Variants in PEG3 observed in about 807,000 individuals in gnomAD.
The protein encoded by PEG3 is paternally-expressed gene 3 protein.
A neutral mutation model predicts 35.5 loss-of-function variants in PEG3; 23 were observed. That is an observed-to-expected ratio of 0.65 (90% CI 0.47 to 0.92). The LOEUF is 0.92. Among genes scored for constraint, PEG3 ranks in the 40% least tolerant of loss-of-function variants. PEG3 has a pLI of 0.00. For synonymous variants in PEG3, 707 were observed against 697.0 expected, an observed-to-expected ratio of 1.01 and a Z score of -0.23; for missense variants, 1,960 against 1,985.3, an observed-to-expected ratio of 0.99 and a Z score of 0.24.
rs753162525 is a variant in PEG3 at position 56,814,016 on chromosome 19, C to G, written c.4426G>C (p.Glu1476Gln). The G allele has an allele frequency of 4.6e-5, 74 of 1,613,222 alleles. No homozygotes were observed. The highest frequency in any genetic ancestry group is 6.2e-5 in the Non-Finnish European group (73 of 1,179,342). Residue 1476 changes from glutamate to glutamine, a missense_variant, in exon 10 of 10, where the codon GAG (glutamate) becomes CAG (glutamine). Glu to Gln is a conservative substitution (Grantham distance 29). Coordinates refer to ENST00000326441, the MANE Select transcript of PEG3 (RefSeq NM_006210.3). This position sits in a 1 kb window ranked among gnomAD's most constrained non-coding sequence, Gnocchi z 5.8. The part of the protein sequence containing the change: ...EEPEGKAEEP[E>Q]GDADEPDGVG... ...CCGTCAGGCTCGTCGGCATCTCCCT[C>G]TGGCTCTTCAGCTTTTCCCTCTGGC...
chr19:56,832,831 C>T (rs73935925), intron 2 of PEG3, among the ~76,000 whole-genome samples: 2,160 of 152,316 alleles, frequency 0.014, 48 homozygotes, highest in African/African-American at 0.049. Context: ...CAGAACAAGC[C>T]TGGCGCTGCC....
intron 2 of PEG3, among the ~76,000 whole-genome samples, chr19:56,828,990 C>T (rs2146472881): frequency 6.6e-6 from 1 of 152,158 alleles, no homozygotes; most frequent in Middle Eastern, 3.4e-3. Flanking sequence ...TCTTTTGAAC[C>T]AGCAATTCTC....
chr19:56,817,555 T>C lies in PEG3; in HGVS notation c.887A>G (p.Lys296Arg), dbSNP rs1366500278. The C allele has an allele frequency of 1.3e-6, 2 of 1,595,020 alleles. No homozygotes were observed. Among genetic ancestry groups the C allele is most frequent in the African/African-American group, 2.7e-5 (2 of 74,274 alleles). ...SRGLKTMPEA[K>R]KSTHRRGICE... ...AATCCCCCGCCGGTGGGTTGATTTT[T>C]TGGCTTCAGGCATAGTTTTTAGACC... Residue 296 changes from lysine (K) to arginine (R), a missense_variant, in exon 10 of 10, where the codon AAA becomes AGA. Coordinates refer to ENST00000326441, the MANE Select transcript of PEG3 (RefSeq NM_006210.3).
In PEG3 at chr19:56,815,853, A is replaced by C. The variant is rs1489816697; in HGVS notation, c.2589T>G (p.Ile863Met). ...GCTTATCATTAAGGTCTGAGATATA[A>C]ATGGAGGATTCTCCCTTCTCATTAG... is the stretch of plus-strand genomic sequence containing the variant. ...VESNEKGESS[I>M]YISDLNDKRQ... is the part of the protein sequence containing the mutation. Residue 863 changes from isoleucine (I) to methionine (M), a missense_variant, in exon 10 of 10, where the codon ATT (isoleucine) becomes ATG (methionine). Physicochemically the swap from Ile to Met is conservative, Grantham distance 10. This residue lies in a region of PEG3 where 798 missense variants were observed against 782.4 expected (regional missense o/e 1.02). Coordinates refer to ENST00000326441, the MANE Select transcript of PEG3 (RefSeq NM_006210.3). The C allele has an allele frequency of 6.2e-7, 1 of 1,613,610 alleles. No individual in the cohort carries two copies. The highest frequency in any genetic ancestry group is 1.7e-5 in the Admixed American group (1 of 59,956).
Position 56,815,886 on chromosome 19 carries a change from C to T in PEG3, c.2556G>A (p.Leu852=), listed in dbSNP as rs1309035576. 5.0e-6 allele frequency: 8 copies of T among 1,613,048 alleles called. No homozygotes were observed. Among genetic ancestry groups the T allele is most frequent in the South Asian group, 1.1e-5 (1 of 90,954 alleles). The change falls in exon 10 of 10, where the codon TTG becomes TTA. Residue 852 remains leucine (L), a synonymous_variant. Coordinates refer to ENST00000326441, the MANE Select transcript of PEG3 (RefSeq NM_006210.3). ...KPPRSHNGNE[L]VESNEKGESS... ...ATTCTCCCTTCTCATTAGATTCCAC[C>T]AATTCATTTCCATTGTGACTTCTTG...
chr19:56,839,048 T>C (rs2062598535), intron 1 of PEG3, among the ~76,000 whole-genome samples: 1 of 151,834 alleles, frequency 6.6e-6, no homozygotes, highest in African/African-American at 2.4e-5. Context: ...CCATCAAAGA[T>C]GGCGCCCAGG....
rs534311550 is a variant in PEG3 at position 56,824,776 on chromosome 19, A to C, written c.-86-35T>G. 5.2e-6 allele frequency: 5 copies of C among 970,240 alleles called. No individual in the cohort carries two copies. In the South Asian group the frequency reaches 8.6e-5, roughly 17 times the overall value. The allele number at this position is 970,240 out of a possible 1,614,324, so 60.1% of individuals were successfully genotyped here. The stretch of plus-strand genomic sequence containing the variant: ...GTAAGGAGATATACACATGTCCCAG[A>C]AGTTGAAGACCAGGCAGCAGTGGAG... On this transcript the variant is annotated intron_variant, in intron 3 of 9. Transcript: ENST00000326441.
In PEG3 at chr19:56,824,550, C is replaced by G. The variant is rs754521653; in HGVS notation, c.106G>C (p.Gly36Arg). 2 of 1,614,170 alleles carry G rather than the reference C, an allele frequency of 1.2e-6. No individual in the cohort carries two copies. Among genetic ancestry groups the G allele is most frequent in the Non-Finnish European group, 1.7e-6 (2 of 1,180,032 alleles). The change falls in exon 4 of 10, where the codon GGA becomes CGA. Residue 36 changes from glycine (G) to arginine (R), a missense_variant. Physicochemically the swap from Gly to Arg is moderately radical, Grantham distance 125. This residue lies in a region of PEG3 where 613 missense variants were observed against 577.1 expected (regional missense o/e 1.06). Transcript: ENST00000326441. Reference sequence around the variant, plus strand: ...AACTCAGAGTCAGTTGGACCTTCTCCTATGATGACATCCGGCTCCTTAGTC... The same window carrying G: ...AACTCAGAGTCAGTTGGACCTTCTCGTATGATGACATCCGGCTCCTTAGTC... ...DLTKEPDVII[G>R]EGPTDSEFFH...
intron 2 of PEG3, among the ~76,000 whole-genome samples, chr19:56,835,759 G>T (rs1642341043): frequency 1.3e-5 from 2 of 152,156 alleles, no homozygotes. Context: ...TAATCACCAG[G>T]CAAGAGAAAA....
intron 3 of PEG3, among the ~76,000 whole-genome samples, chr19:56,825,654 G>A (rs2060952786): frequency 1.3e-5 from 2 of 151,640 alleles, no homozygotes; most frequent in Admixed American, 1.3e-4. Flanking sequence ...TTAATGACTG[G>A]TCAGCACATC....
chr19:56,836,260 C>G (rs59958078), intron 1 of PEG3, among the ~76,000 whole-genome samples, 156 bp from the exon 2 acceptor site: 1 of 152,080 alleles, frequency 6.6e-6, no homozygotes, highest in Admixed American at 6.5e-5. Flanking sequence ...TGAATGGCCA[C>G]GGGTATAGCT....
chr19:56,811,190 G>T lies in PEG3; in HGVS notation c.*2485C>A. 1.0e-6 allele frequency: 1 copy of T among 973,088 alleles called. No individual in the cohort carries two copies. Among genetic ancestry groups the T allele is most frequent in the Non-Finnish European group, 1.2e-6 (1 of 818,886 alleles). 60.3% of individuals were successfully genotyped at this position (973,088 alleles called of 1,614,324 possible). On this transcript the variant is annotated 3_prime_UTR_variant, in exon 10 of 10. Transcript: ENST00000326441. ...TGAAAATGTGATCATAAACTTTTTAGTAACACTACCATAAAGAACATTCAA... is the reference window on the plus strand; with the variant it reads ...TGAAAATGTGATCATAAACTTTTTATTAACACTACCATAAAGAACATTCAA...
intron 6 of PEG3, 41 bp from the exon 7 acceptor site, chr19:56,821,795 C>T (rs1388086685): frequency 6.2e-7 from 1 of 1,607,728 alleles, no homozygotes; most frequent in South Asian, 1.1e-5. Context: ...AGGGCCCAGT[C>T]CATCCTGCAG....
In PEG3 at chr19:56,815,560, GT is replaced by G. The variant is rs1568628028; in HGVS notation, c.2881del (p.Thr961HisfsTer184). The G allele has an allele frequency of 6.2e-7, 1 of 1,614,010 alleles. No homozygotes were observed. Among genetic ancestry groups the G allele is most frequent in the Non-Finnish European group, 8.5e-7 (1 of 1,179,894 alleles). On this transcript the variant is annotated frameshift_variant, in exon 10 of 10. Transcript: ENST00000326441. LOFTEE classifies it low-confidence loss of function (END_TRUNC). ...ATAGAGCATCCCTCGAGGGCGAAAT[GT>G]TTGTTCACCAAAAGGCAGAGAGTGA... Reference protein sequence around the residue: ...VIHSLPFGEQTFRPRGMLYEC... With the variant: ...VIHSLPFGEQXFRPRGMLYEC...
chr19:56,820,777 T>G (rs1042737613), intron 7 of PEG3, among the ~76,000 whole-genome samples: 4 of 152,260 alleles, frequency 2.6e-5, no homozygotes, highest in African/African-American at 9.6e-5. Context: ...TTTGTGCAAC[T>G]GTCAAAAGCT....
At chr19:56,832,044 C>T (rs1446376870) in intron 2 of PEG3, among the ~76,000 whole-genome samples, 3 of 152,286 alleles carry the variant, frequency 2.0e-5, no homozygotes, top group East Asian at 3.9e-4. Flanking sequence ...AGAAAACTCA[C>T]ATAAACTTGT....
At position 56,815,409 on chromosome 19, in the gene PEG3, G is replaced by A. The variant is rs1254104029; in HGVS notation, c.3033C>T (p.Ala1011=). The A allele has an allele frequency of 6.2e-6, 10 of 1,614,104 alleles. No homozygotes were observed. The highest frequency in any genetic ancestry group is 8.5e-6 in the Non-Finnish European group (10 of 1,179,978). ...CGTAACTTGTTTGAGGGTCAGTAGG[G>A]GCCAAGCTGCGAATGACAGACCATT... The part of the protein sequence containing the change: ...NYEWSVIRSL[A]PTDPQTSYAQ... Residue 1011 remains alanine, a synonymous_variant, in exon 10 of 10, where the codon GCC becomes GCT. Coordinates refer to ENST00000326441, the MANE Select transcript of PEG3 (RefSeq NM_006210.3).
rs761729777 is a variant in PEG3, at chr19:56,813,772, T to C, written c.4670A>G (p.Asn1557Ser). The change falls in exon 10 of 10, where the codon AAT becomes AGT. Residue 1557 changes from asparagine to serine, a missense_variant. Physicochemically the swap from Asn to Ser is conservative, Grantham distance 46. Transcript: ENST00000326441. ...TTTGAAGTACTTCTCATCAGCTTGA[T>C]TGGCACCACCTGTGCTGGTGCTGGC... ...ERASTSTGGA[N>S]QADEKYFKCD... 6.2e-7 allele frequency: 1 copy of C among 1,614,114 alleles called. No individual in the cohort carries two copies. Among genetic ancestry groups the C allele is most frequent in the South Asian group, 1.1e-5 (1 of 91,074 alleles).
At position 56,810,114 on chromosome 19, in the gene PEG3, T is replaced by C. The variant is rs912235282; in HGVS notation, c.*3561A>G. On this transcript the variant is annotated 3_prime_UTR_variant, in exon 10 of 10. Coordinates refer to ENST00000326441, the MANE Select transcript of PEG3 (RefSeq NM_006210.3). ...TTAACTTTATTTTTATTGTTGACACTATTACAGATAGAATGACCACAACCA... is the reference window on the plus strand; with the variant it reads ...TTAACTTTATTTTTATTGTTGACACCATTACAGATAGAATGACCACAACCA... 9 of 947,028 alleles carry C rather than the reference T, an allele frequency of 9.5e-6. No individual in the cohort carries two copies. Among genetic ancestry groups the C allele is most frequent in the Non-Finnish European group, 1.1e-5 (9 of 794,974 alleles). 58.7% of individuals were successfully genotyped at this position (947,028 alleles called of 1,614,324 possible).
Sources: allele counts gnomAD v4.1 joint callset (sites outside exome capture counted in the v4.1 genomes callset), GRCh38; gene constraint gnomAD v4.1.1; regional missense constraint gnomAD v4.1.1; non-coding constraint Gnocchi (gnomAD v3.1); transcripts MANE v1.5; gene names NCBI Gene and HGNC (gene_info 2026-07-23, HGNC 2026-07-21).